The following ULK4 variants were observed in gnomAD, a reference collection of about 807,000 sequenced individuals.
ULK4 encodes unc-51 like kinase 4.
Under a neutral mutation model 160.6 loss-of-function variants are expected in ULK4, and 133 were observed. The observed-to-expected ratio is 0.83, with a 90% CI of 0.72 to 0.96. The LOEUF is 0.96. ULK4 is among the 40% of genes least tolerant of loss of function. The pLI is 0.00. For synonymous variants in ULK4, 534 were observed against 539.8 expected, an observed-to-expected ratio of 0.99 and a Z score of 0.15; for missense variants, 1,580 against 1,499.5, an observed-to-expected ratio of 1.05 and a Z score of -0.89.
chr3:41,370,671 G>C (rs2081346479), intron 35 of ULK4, among the ~76,000 whole-genome samples: 1 of 152,194 alleles, frequency 6.6e-6, no homozygotes, highest in African/African-American at 2.4e-5. Context: ...TTGCAGACCA[G>C]GAAATTCCCG....
At chr3:41,613,022 A>G (rs1386105147) in intron 31 of ULK4, among the ~76,000 whole-genome samples, 1 of 152,188 alleles carries the variant, frequency 6.6e-6, no homozygotes, top group Admixed American at 6.5e-5. Flanking sequence ...ATGTTTCGCT[A>G]TTTTCTTAAT....
chr3:41,265,678 T>C (rs1485019920), intron 35 of ULK4, among the ~76,000 whole-genome samples: 1 of 152,210 alleles, frequency 6.6e-6, no homozygotes, highest in African/African-American at 2.4e-5. Flanking sequence ...AAACATTTTA[T>C]AATGACCGTT....
chr3:41,350,065 T>C (rs2080878916), intron 35 of ULK4, among the ~76,000 whole-genome samples: 1 of 152,212 alleles, frequency 6.6e-6, no homozygotes, highest in Non-Finnish European at 1.5e-5. Context: ...GTGAAAGTCA[T>C]TTATTCACGA....
chr3:41,797,031 TC>T (rs2040319937), intron 20 of ULK4, among the ~76,000 whole-genome samples: 1 of 152,244 alleles, frequency 6.6e-6, no homozygotes, highest in Admixed American at 6.5e-5. Flanking sequence ...AGTAATAGTA[TC>T]ACATTACAAC....
At chr3:41,591,290 G>A (rs565534746) in intron 31 of ULK4, among the ~76,000 whole-genome samples, 7 of 152,234 alleles carry the variant, frequency 4.6e-5, no homozygotes, top group South Asian at 2.1e-4. Flanking sequence ...GCAAACAAAA[G>A]TGGAAAGAAT....
chr3:41,524,222 G>A (rs888151866), intron 32 of ULK4, among the ~76,000 whole-genome samples: 1 of 152,106 alleles, frequency 6.6e-6, no homozygotes, highest in Non-Finnish European at 1.5e-5. Context: ...AAAAACCACT[G>A]AATTATACAC....
chr3:41,874,083 A>G (rs1697214571), intron 17 of ULK4, among the ~76,000 whole-genome samples: 1 of 152,160 alleles, frequency 6.6e-6, no homozygotes, highest in Non-Finnish European at 1.5e-5. Flanking sequence ...AAGTGCAACA[A>G]GTGCTATTTG....
intron 31 of ULK4, among the ~76,000 whole-genome samples, chr3:41,573,811 C>T (rs2088086872): frequency 6.6e-6 from 1 of 152,156 alleles, no homozygotes; most frequent in African/African-American, 2.4e-5. Context: ...GTGGTGCATC[C>T]AGTCACTTTC....
chr3:41,530,871 C>T (rs1358657403), intron 32 of ULK4, among the ~76,000 whole-genome samples: 1 of 151,972 alleles, frequency 6.6e-6, no homozygotes, highest in East Asian at 2.0e-4. Context: ...TCAAGTGATT[C>T]GCCTGCCTCA....
Position 41,372,959 on chromosome 3 carries a change from T to C in ULK4, c.3678+25120A>G, listed in dbSNP as rs563890085. On this transcript the variant is annotated intron_variant, in intron 35 of 36. Coordinates refer to ENST00000301831, the MANE Select transcript of ULK4 (RefSeq NM_017886.4). ...GATGAAGGAAGATTTAGCAAGCAAATAGAGAGCAAACAAAAGCAGGGGTTG... is the reference window on the plus strand; with the variant it reads ...GATGAAGGAAGATTTAGCAAGCAAACAGAGAGCAAACAAAAGCAGGGGTTG... 7.2e-5 allele frequency among the ~76,000 whole-genome samples: 11 copies of C among 152,020 alleles called. No homozygotes were observed. In the East Asian group the frequency reaches 1.5e-3, roughly 21 times the overall value.
At chr3:41,804,782 C>T (rs922404472) in intron 19 of ULK4, among the ~76,000 whole-genome samples, 6 of 152,164 alleles carry the variant, frequency 3.9e-5, no homozygotes, top group Non-Finnish European at 5.9e-5. Context: ...TGTCAAAGAT[C>T]AGATCGTTGT....
At chr3:41,817,721 A>T (rs191838274) in intron 19 of ULK4, among the ~76,000 whole-genome samples, 313 of 152,286 alleles carry the variant, frequency 2.1e-3, no homozygotes, top group African/African-American at 7.2e-3. Context: ...AAACCACAGC[A>T]TATACCCATG....
At chr3:41,781,369 A>T (rs2039835526) in intron 21 of ULK4, among the ~76,000 whole-genome samples, 1 of 151,244 alleles carries the variant, frequency 6.6e-6, no homozygotes, top group Non-Finnish European at 1.5e-5. Context: ...GTGAGCCAAG[A>T]TCGCGCCACC....
chr3:41,623,625 T>G (rs990261133), intron 30 of ULK4, among the ~76,000 whole-genome samples: 8 of 152,136 alleles, frequency 5.3e-5, no homozygotes, highest in Non-Finnish European at 8.8e-5. Context: ...TACTACATGA[T>G]TTCACTTATA....
intron 32 of ULK4, among the ~76,000 whole-genome samples, chr3:41,502,894 C>A (rs548984427): frequency 6.6e-6 from 1 of 152,044 alleles, no homozygotes; most frequent in Non-Finnish European, 1.5e-5. Flanking sequence ...CAGCAAATTG[C>A]ACATGTAATT....
At chr3:41,286,055 A>T (rs2079450878) in intron 35 of ULK4, among the ~76,000 whole-genome samples, 1 of 152,202 alleles carries the variant, frequency 6.6e-6, no homozygotes, top group African/African-American at 2.4e-5. Flanking sequence ...AGATTGCCTT[A>T]AAGCTTTCCT....
chr3:41,819,550 C>A, intron 18 of ULK4, 44 bp from the exon 19 acceptor site: 1 of 1,573,494 alleles, frequency 6.4e-7, no homozygotes, highest in Non-Finnish European at 8.7e-7. Flanking sequence ...GCTAACAGCA[C>A]GAAAGATATT....
intron 27 of ULK4, among the ~76,000 whole-genome samples, chr3:41,685,381 T>C (rs571168594): frequency 6.6e-6 from 1 of 152,280 alleles, no homozygotes; most frequent in African/African-American, 2.4e-5. Flanking sequence ...CATTCTTTAA[T>C]ACATTCCCAC....
At chr3:41,584,871 T>C (rs1322477768) in intron 31 of ULK4, among the ~76,000 whole-genome samples, 4 of 151,894 alleles carry the variant, frequency 2.6e-5, no homozygotes, top group Admixed American at 2.6e-4. Flanking sequence ...ACAACCAATC[T>C]GAAGAAGAAG....
Sources: gnomAD v4.1 joint callset for allele counts (sites outside exome capture counted in the v4.1 genomes callset) on GRCh38, gnomAD v4.1.1 for gene constraint, MANE v1.5 for transcripts, NCBI Gene and HGNC (gene_info 2026-07-23, HGNC 2026-07-21) for gene names.